Variants in SEC31A observed in about 807,000 individuals in gnomAD.
SEC31A encodes protein transport protein Sec31A.
In SEC31A, 70 loss-of-function variants were observed where a neutral mutation model predicts 151.0. The ratio of observed to expected loss-of-function variants is 0.46; its 90% confidence interval spans 0.38 to 0.57. SEC31A has a LOEUF of 0.57. Among genes scored for constraint, SEC31A ranks in the 20% least tolerant of loss-of-function variants. The pLI, the probability that SEC31A is intolerant of heterozygous loss-of-function variation, is 0.00. For synonymous variants in SEC31A, 475 were observed against 505.9 expected (o/e 0.94, Z 0.82); for missense variants, 1,330 against 1,471.2 (o/e 0.90, Z 1.57).
intron 8 of SEC31A, 36 bp from the exon 9 acceptor site, chr4:82,867,352 A>T: frequency 6.2e-7 from 1 of 1,600,018 alleles, no homozygotes; most frequent in Non-Finnish European, 8.6e-7. Flanking sequence ...AAACTCAGAA[A>T]ATGGTATGGC....
At chr4:82,867,380 A>C in intron 8 of SEC31A, 64 bp from the exon 9 acceptor site, 1 of 1,378,204 alleles carries the variant, frequency 7.3e-7, no homozygotes, top group Non-Finnish European at 1.0e-6. Context: ...TAACCAAAAC[A>C]CCTGAATTAA....
chr4:82,866,604 T>C (rs902411507), intron 10 of SEC31A, among the ~76,000 whole-genome samples: 18 of 152,200 alleles, frequency 1.2e-4, no homozygotes, highest in African/African-American at 4.1e-4. Context: ...ATTTTATGTA[T>C]ATTTTACCAT....
intron 22 of SEC31A, among the ~76,000 whole-genome samples, chr4:82,837,244 T>C (rs1053674308): frequency 6.2e-5 from 9 of 145,060 alleles, no homozygotes; most frequent in African/African-American, 2.3e-4. Context: ...TATGTATGCA[T>C]GTATGTATGT....
Position 82,857,244 on chromosome 4 carries a change from C to T in SEC31A, c.1703-114G>A, listed in dbSNP as rs184798705. ...ATATACATGAATGGAGACCACAACA[C>T]TAATTTCTGATTACTAGTGGATTAA... On this transcript the variant is annotated intron_variant, in intron 15 of 26. Coordinates refer to ENST00000395310, the MANE Select transcript of SEC31A (RefSeq NM_001077207.4). 42 of 833,792 alleles carry T rather than the reference C, an allele frequency of 5.0e-5. No homozygotes were observed. In the East Asian group the frequency reaches 1.1e-3, roughly 22 times the overall value. The allele number at this position is 833,792 out of a possible 1,614,324, so 51.6% of individuals were successfully genotyped here.
chr4:82,826,154 G>A (rs1724491931), intron 24 of SEC31A, among the ~76,000 whole-genome samples: 1 of 152,158 alleles, frequency 6.6e-6, no homozygotes, highest in Non-Finnish European at 1.5e-5. Context: ...AGTACAGCAT[G>A]AGAACCCAAG....
chr4:82,858,498 T>G (rs1413681823), intron 14 of SEC31A, among the ~76,000 whole-genome samples: 2 of 130,994 alleles, frequency 1.5e-5, no homozygotes, highest in Non-Finnish European at 3.1e-5. Flanking sequence ...GAGTTGAGAT[T>G]GCGCCACTGC....
chr4:82,832,909 A>C (rs1204709125), intron 22 of SEC31A, among the ~76,000 whole-genome samples: 1 of 152,142 alleles, frequency 6.6e-6, no homozygotes, highest in African/African-American at 2.4e-5. Flanking sequence ...GAAACAACAG[A>C]TGCTGGAGAG....
upstream of SEC31A, among the ~76,000 whole-genome samples, chr4:82,891,432 C>T (rs1421376895): frequency 6.6e-6 from 1 of 152,218 alleles, no homozygotes; most frequent in East Asian, 1.9e-4. Context: ...GTAGCCAGGA[C>T]TAGTGGGTAA....
chr4:82,889,720 T>C (rs1741839676), intron 1 of SEC31A, among the ~76,000 whole-genome samples: 1 of 152,172 alleles, frequency 6.6e-6, no homozygotes, highest in South Asian at 2.1e-4. Context: ...TTGGTTTCAA[T>C]AAAGAATTTG....
At chr4:82,893,615 T>C (rs1282918820), upstream of SEC31A, 2 of 152,226 alleles carry the variant, frequency 1.3e-5, no homozygotes, top group Non-Finnish European at 2.9e-5. Flanking sequence ...TTGTATCAAC[T>C]TGTTTGTATA....
At chr4:82,844,785 C>G (rs751256208) in intron 20 of SEC31A, among the ~76,000 whole-genome samples, 2 of 152,102 alleles carry the variant, frequency 1.3e-5, no homozygotes, top group Non-Finnish European at 2.9e-5. Context: ...GAAATGTCAC[C>G]AGGATTTTCC....
rs1174636791 is a variant in SEC31A, at chr4:82,891,092, C to A, written c.-9G>T. ...AAAAGCAACGGGCGGACGCACCTGGCGAGGACCTTCGGCAGCCGGATCCTG... is the reference window on the plus strand; with the variant it reads ...AAAAGCAACGGGCGGACGCACCTGGAGAGGACCTTCGGCAGCCGGATCCTG... On this transcript the variant is annotated 5_prime_UTR_variant, in exon 1 of 27. Transcript: ENST00000395310. 3.3e-6 allele frequency: 5 copies of A among 1,535,950 alleles called. No homozygotes were observed. Among genetic ancestry groups the A allele is most frequent in the African/African-American group, 1.4e-5 (1 of 73,154 alleles).
upstream of SEC31A, chr4:82,893,747 AG>A (rs2126003271): frequency 6.6e-6 from 1 of 152,344 alleles, no homozygotes; most frequent in African/African-American, 2.4e-5. Context: ...AATGGTTAAA[AG>A]ATAAAAAATA....
intron 10 of SEC31A, 121 bp downstream of exon 10, chr4:82,866,687 C>A: frequency 1.2e-6 from 1 of 860,528 alleles, no homozygotes; most frequent in South Asian, 3.0e-5. Context: ...ATGAAATACC[C>A]ACAAGTACAT....
upstream of SEC31A, among the ~76,000 whole-genome samples, chr4:82,892,332 T>C (rs1719849828): frequency 6.6e-6 from 1 of 152,244 alleles, no homozygotes; most frequent in Non-Finnish European, 1.5e-5. Flanking sequence ...GCAAGCAGCT[T>C]TCTGTTCCTA....
At chr4:82,891,355 G>A (rs1224867939), upstream of SEC31A, 3 of 632,260 alleles carry the variant, frequency 4.7e-6, no homozygotes, top group Middle Eastern at 4.3e-4. Flanking sequence ...GTGGCGCTCT[G>A]CGGTCATCGC....
chr4:82,857,599 C>T, intron 15 of SEC31A, 90 bp downstream of exon 15: 1 of 859,826 alleles, frequency 1.2e-6, no homozygotes, highest in Non-Finnish European at 1.9e-6. Flanking sequence ...CACCACAGCA[C>T]CTGACTTGAA....
At chr4:82,837,357 G>A (rs1246950011) in intron 22 of SEC31A, among the ~76,000 whole-genome samples, 5 of 151,568 alleles carry the variant, frequency 3.3e-5, no homozygotes, top group Non-Finnish European at 7.4e-5. Flanking sequence ...ATGACTTTGA[G>A]TCTTTTAAAA....
rs761301396 is a variant in SEC31A at position 82,861,628 on chromosome 4, T to G, written c.1626+3A>C. ...CAATATAATATGAAAAAAAAATAAGTACCTCTCCCAAGAGCTGCTCTTCAG... is the reference window on the plus strand; with the variant it reads ...CAATATAATATGAAAAAAAAATAAGGACCTCTCCCAAGAGCTGCTCTTCAG... On this transcript the variant is annotated splice_donor_region_variant and intron_variant, in intron 14 of 26. Transcript: ENST00000395310. 1 of 1,590,432 alleles carries G rather than the reference T, an allele frequency of 6.3e-7. No homozygotes were observed. The highest frequency in any genetic ancestry group is 8.6e-7 in the Non-Finnish European group (1 of 1,162,714).
Sources: allele counts gnomAD v4.1 joint callset (sites outside exome capture counted in the v4.1 genomes callset), GRCh38; gene constraint gnomAD v4.1.1; transcripts MANE v1.5; gene names NCBI Gene and HGNC (gene_info 2026-07-23, HGNC 2026-07-21).